The following CPNE5 variants were observed in gnomAD, a reference collection of about 807,000 sequenced individuals.
The protein encoded by CPNE5 is copine-5.
In CPNE5, 42 loss-of-function variants were observed where a neutral mutation model predicts 81.1. The observed-to-expected ratio is 0.52, with a 90% CI of 0.40 to 0.67. The LOEUF is 0.67. Among genes scored for constraint, CPNE5 ranks in the 30% least tolerant of loss-of-function variants. CPNE5 has a pLI of 0.00. For missense variants in CPNE5, 612 were observed against 815.5 expected (o/e 0.75, Z 3.04); for synonymous variants, 313 against 321.5 (o/e 0.97, Z 0.28).
At chr6:36,792,335 C>G (rs750061468) in intron 7 of CPNE5, 12 of 1,522,966 alleles carry the variant, frequency 7.9e-6, no homozygotes, top group Non-Finnish European at 1.1e-5. Context: ...CCCCGAGAGC[C>G]CACCAGGAAG....
chr6:36,795,479 T>C (rs1216711371), intron 6 of CPNE5, among the ~76,000 whole-genome samples: 1 of 152,162 alleles, frequency 6.6e-6, no homozygotes, highest in Non-Finnish European at 1.5e-5. Flanking sequence ...ATGCCCAGCC[T>C]GGAGATAGGG....
At chr6:36,745,023 C>T (rs1294185354) in intron 18 of CPNE5, 25 bp downstream of exon 18, 1 of 1,548,064 alleles carries the variant, frequency 6.5e-7, no homozygotes, top group Non-Finnish European at 8.9e-7. Context: ...CAAACCGCCT[C>T]CCCCACCGCA....
chr6:36,812,144 G>A (rs1229099147), intron 3 of CPNE5, among the ~76,000 whole-genome samples: 1 of 152,150 alleles, frequency 6.6e-6, no homozygotes, highest in Non-Finnish European at 1.5e-5. Flanking sequence ...GAAAGTCAGT[G>A]GCCTGGGCAG....
At chr6:36,782,794 C>G (rs913335758) in intron 8 of CPNE5, among the ~76,000 whole-genome samples, 1 of 149,486 alleles carries the variant, frequency 6.7e-6, no homozygotes, top group African/African-American at 2.5e-5. Flanking sequence ...GACTCTGTCT[C>G]AAATAATAAA....
intron 1 of CPNE5, among the ~76,000 whole-genome samples, chr6:36,835,477 A>C (rs1345760531): frequency 6.6e-6 from 1 of 152,034 alleles, no homozygotes; most frequent in East Asian, 1.9e-4. Flanking sequence ...CATCTGCCCT[A>C]CTCACTTCCA....
intron 9 of CPNE5, 113 bp downstream of exon 9, chr6:36,778,741 G>A: frequency 1.3e-6 from 1 of 759,256 alleles, no homozygotes; most frequent in Non-Finnish European, 2.3e-6. Flanking sequence ...CCTCTCTAGA[G>A]CAGAAGGAGA....
At chr6:36,796,478 G>A (rs1378422174) in intron 6 of CPNE5, among the ~76,000 whole-genome samples, 2 of 152,184 alleles carry the variant, frequency 1.3e-5, no homozygotes, top group African/African-American at 4.8e-5. Flanking sequence ...CTCCATCCTG[G>A]CAACCCAGGT....
chr6:36,745,498 G>T lies in CPNE5; in HGVS notation c.1218C>A (p.Asn406Lys). ...TGCCGTCGATGCCACAGCATGAGGG[G>T]TTCTCCTGGTTGCCATTCTGGGGGA... The part of the protein sequence containing the change: ...HEFPLNGNQE[N>K]PSCCGIDGIL... The change falls in exon 17 of 21, where the codon AAC becomes AAA. Residue 406 changes from asparagine to lysine, a missense_variant. By Grantham distance (94) the Asn-to-Lys change is moderately conservative. Coordinates refer to ENST00000244751, the MANE Select transcript of CPNE5 (RefSeq NM_020939.2). The T allele has an allele frequency of 6.3e-7, 1 of 1,599,392 alleles. No homozygotes were observed. Among genetic ancestry groups the T allele is most frequent in the Non-Finnish European group, 8.5e-7 (1 of 1,173,316 alleles).
At chr6:36,804,123 C>T (rs1475015602) in intron 3 of CPNE5, among the ~76,000 whole-genome samples, 1 of 152,158 alleles carries the variant, frequency 6.6e-6, no homozygotes, top group Non-Finnish European at 1.5e-5. Flanking sequence ...AAGTAACTTG[C>T]CCAAGATCAC....
chr6:36,742,957 G>T, intron 20 of CPNE5: 1 of 985,346 alleles, frequency 1.0e-6, no homozygotes. Flanking sequence ...TTCTTCCCGG[G>T]GGTGCCCTCC....
chr6:36,836,784 TA>T (rs1225023848), intron 1 of CPNE5, among the ~76,000 whole-genome samples: 1 of 152,140 alleles, frequency 6.6e-6, no homozygotes, highest in Non-Finnish European at 1.5e-5. Context: ...AGAACCTGAA[TA>T]GTTGGGCCTG....
At chr6:36,787,999 C>T (rs986620391) in intron 8 of CPNE5, among the ~76,000 whole-genome samples, 1 of 151,848 alleles carries the variant, frequency 6.6e-6, no homozygotes, top group Admixed American at 6.6e-5. Context: ...AAAGAGCTAT[C>T]CAACCCTCTG....
At chr6:36,791,573 C>T (rs574154779) in intron 8 of CPNE5, among the ~76,000 whole-genome samples, 3 of 152,280 alleles carry the variant, frequency 2.0e-5, no homozygotes, top group South Asian at 4.1e-4. Flanking sequence ...CACATGCGTA[C>T]GCACAGACAC....
chr6:36,764,097 C>T (rs1766327829), intron 11 of CPNE5, among the ~76,000 whole-genome samples: 2 of 144,430 alleles, frequency 1.4e-5, no homozygotes, highest in African/African-American at 5.0e-5. Context: ...CACCCCCCAC[C>T]GTGAGCCTAC....
At chr6:36,750,938 A>G (rs1451422898) in intron 14 of CPNE5, among the ~76,000 whole-genome samples, 6 of 152,236 alleles carry the variant, frequency 3.9e-5, no homozygotes, top group Non-Finnish European at 8.8e-5. Flanking sequence ...AATTACTCGC[A>G]GCAGCCTAGT....
chr6:36,839,240 G>T lies in CPNE5; in HGVS notation c.95+43C>A. 7.0e-7 allele frequency: 1 copy of T among 1,422,168 alleles called. No individual in the cohort carries two copies. Among genetic ancestry groups the T allele is most frequent in the Non-Finnish European group, 9.5e-7 (1 of 1,049,442 alleles). The allele number at this position is 1,422,168 out of a possible 1,614,324, so 88.1% of individuals were successfully genotyped here. A position where few individuals can be genotyped will look rare whatever the true frequency, so the allele number is the denominator to read the frequency against. On this transcript the variant is annotated intron_variant, in intron 1 of 20. Coordinates refer to ENST00000244751, the MANE Select transcript of CPNE5 (RefSeq NM_020939.2). The surrounding 1 kb of genome is among the most constrained non-coding windows in gnomAD (Gnocchi z 7.3). ...AGCGGCAGGGGCCGCGGGGCTCTGC[G>T]TCCAGGGCCGGGGCAAGGGGACCCG... is the stretch of plus-strand genomic sequence containing the variant.
At chr6:36,754,699 C>T (rs967957027) in intron 13 of CPNE5, 1 of 152,276 alleles carries the variant, frequency 6.6e-6, no homozygotes, top group African/African-American at 2.4e-5. Flanking sequence ...TGGGACAAAT[C>T]GCATGCCCTC....
intron 12 of CPNE5, among the ~76,000 whole-genome samples, chr6:36,759,360 C>T (rs533907665): frequency 6.6e-6 from 1 of 151,604 alleles, no homozygotes; most frequent in Non-Finnish European, 1.5e-5. Flanking sequence ...TAGGGGCCAG[C>T]CGAGGAGCTG....
At chr6:36,776,548 C>A (rs1767521613) in intron 9 of CPNE5, among the ~76,000 whole-genome samples, 1 of 152,156 alleles carries the variant, frequency 6.6e-6, no homozygotes, top group Admixed American at 6.5e-5. Context: ...GCTGGAGGGA[C>A]AACAAGGAGT....
Sources: gnomAD v4.1 joint callset for allele counts (sites outside exome capture counted in the v4.1 genomes callset) on GRCh38, gnomAD v4.1.1 for gene constraint, Gnocchi (gnomAD v3.1) non-coding constraint, MANE v1.5 for transcripts, NCBI Gene and HGNC (gene_info 2026-07-23, HGNC 2026-07-21) for gene names.